Variants in RSU1 observed in about 807,000 individuals in gnomAD.
RSU1 encodes the protein Ras suppressor protein 1.
A neutral mutation model predicts 31.1 loss-of-function variants in RSU1; 26 were observed. The observed-to-expected ratio is 0.84, with a 90% CI of 0.61 to 1.16. The LOEUF is 1.16. Ranked by LOEUF, RSU1 falls within the 50% of genes most tolerant of loss-of-function variation. RSU1 has a pLI of 0.00. For missense variants in RSU1, 320 were observed against 339.1 expected (o/e 0.94, Z 0.44); for synonymous variants, 164 against 136.3 (o/e 1.20, Z -1.41).
intron 8 of RSU1, among the ~76,000 whole-genome samples, chr10:16,675,740 C>T (rs190601762): frequency 5.3e-5 from 8 of 152,284 alleles, no homozygotes; most frequent in East Asian, 1.9e-4. Flanking sequence ...AACATGAACG[C>T]GTGCTCCTTT....
chr10:16,817,127 C>G (rs374283872), intron 1 of RSU1, 43 bp from the exon 2 acceptor site: 1 of 1,425,256 alleles, frequency 7.0e-7, no homozygotes, highest in African/African-American at 1.4e-5. Context: ...TGACAGCAAG[C>G]GCAGAGGCGG....
chr10:16,660,313 G>A (rs980035787), intron 8 of RSU1, among the ~76,000 whole-genome samples: 1 of 152,156 alleles, frequency 6.6e-6, no homozygotes, highest in Admixed American at 6.5e-5. Flanking sequence ...GGGGGAATTG[G>A]CTTGAACATA....
At chr10:16,708,232 T>C (rs72774622) in intron 7 of RSU1, among the ~76,000 whole-genome samples, 8,266 of 152,268 alleles carry the variant, frequency 0.054, 375 homozygotes, top group African/African-American at 0.13. Context: ...ATTTTGTCTG[T>C]TACATACATT....
At chr10:16,769,858 C>T (rs976692154) in intron 3 of RSU1, among the ~76,000 whole-genome samples, 5 of 152,206 alleles carry the variant, frequency 3.3e-5, no homozygotes, top group Admixed American at 1.3e-4. Flanking sequence ...TAGCTTAACA[C>T]GTTCAACGTG....
chr10:16,685,324 G>A (rs1588714172), intron 8 of RSU1, among the ~76,000 whole-genome samples: 1 of 152,264 alleles, frequency 6.6e-6, no homozygotes, highest in East Asian at 1.9e-4. Flanking sequence ...CAGACCCTAA[G>A]AGAGAATTCT....
In RSU1 at chr10:16,761,691, C is replaced by A. The variant is rs111253219; in HGVS notation, c.281+2699G>T. 3.4e-3 allele frequency among the ~76,000 whole-genome samples: 517 copies of A among 152,142 alleles called. 5 individuals carry two copies. The highest frequency in any genetic ancestry group is 0.012 in the African/African-American group (503 of 41,516). Reference sequence around the variant, plus strand: ...CTAACACCGCAAAATCCCATCTCTACTAAAAATGTAAAAAATTAGCTGGGC... The same window carrying A: ...CTAACACCGCAAAATCCCATCTCTAATAAAAATGTAAAAAATTAGCTGGGC... On this transcript the variant is annotated intron_variant, in intron 4 of 8. Coordinates refer to ENST00000345264, the MANE Select transcript of RSU1 (RefSeq NM_012425.4).
In RSU1 at chr10:16,798,631, C is replaced by T. The variant is rs773311688; in HGVS notation, c.110-16547G>A. 8.5e-4 allele frequency among the ~76,000 whole-genome samples: 130 copies of T among 152,284 alleles called. 1 individual carries two copies. The highest frequency in any genetic ancestry group is 1.5e-3 in the Non-Finnish European group (99 of 68,036). On this transcript the variant is annotated intron_variant, in intron 2 of 8. Transcript: ENST00000345264. ...TATGCTGAATGGTGAGTCAATTAAA[C>T]CTCTTTCCTTCATAAATTACCCATC...
chr10:16,781,288 C>G (rs1837644003), intron 3 of RSU1, among the ~76,000 whole-genome samples: 1 of 152,116 alleles, frequency 6.6e-6, no homozygotes, highest in African/African-American at 2.4e-5. Context: ...ACAAGATAGT[C>G]ATATAAAAAT....
chr10:16,778,530 CTATT>C (rs1048881529), intron 3 of RSU1, among the ~76,000 whole-genome samples: 9 of 152,082 alleles, frequency 5.9e-5, no homozygotes, highest in African/African-American at 2.2e-4. Context: ...AGCTGACCAT[CTATT>C]TGGAGAGAGA....
chr10:16,723,096 T>C (rs1018202265), intron 7 of RSU1: 1 of 151,794 alleles, frequency 6.6e-6, no homozygotes, highest in African/African-American at 2.4e-5. Context: ...ACATATATCA[T>C]ACGATTTGCT....
intron 8 of RSU1, among the ~76,000 whole-genome samples, chr10:16,602,821 C>T (rs770794525): frequency 1.8e-4 from 28 of 152,072 alleles, no homozygotes; most frequent in Admixed American, 9.2e-4. Context: ...TGTAATCTTC[C>T]GGTAGGATGC....
At chr10:16,754,124 T>C (rs1418633392) in intron 5 of RSU1, among the ~76,000 whole-genome samples, 1 of 152,154 alleles carries the variant, frequency 6.6e-6, no homozygotes, top group Non-Finnish European at 1.5e-5. Flanking sequence ...AGAAAGGTAA[T>C]GTACGTAAGG....
chr10:16,626,132 T>C (rs909538845), intron 8 of RSU1, among the ~76,000 whole-genome samples: 1 of 151,616 alleles, frequency 6.6e-6, no homozygotes, highest in Non-Finnish European at 1.5e-5. Flanking sequence ...TGCAGCCTCA[T>C]CCTCCCAGGC....
intron 7 of RSU1, among the ~76,000 whole-genome samples, chr10:16,709,015 ATACTTT>A (rs1288692806): frequency 2.0e-5 from 3 of 148,782 alleles, no homozygotes; most frequent in African/African-American, 4.9e-5. Context: ...TTTTTTAATT[ATACTTT>A]AAGTTTTAGG....
At chr10:16,617,206 G>C (rs138512903) in intron 8 of RSU1, among the ~76,000 whole-genome samples, 54 of 152,318 alleles carry the variant, frequency 3.5e-4, no homozygotes, top group African/African-American at 1.3e-3. Context: ...TAAGCAGAGA[G>C]TGAAATCATG....
chr10:16,793,335 G>T (rs1447268650), intron 2 of RSU1, among the ~76,000 whole-genome samples: 2 of 151,736 alleles, frequency 1.3e-5, no homozygotes, highest in Non-Finnish European at 2.9e-5. Context: ...CTCAATCAAT[G>T]ACAAAACAAT....
chr10:16,720,584 G>A (rs779075864), intron 7 of RSU1, among the ~76,000 whole-genome samples: 10 of 152,232 alleles, frequency 6.6e-5, no homozygotes, highest in East Asian at 1.9e-4. Context: ...TTTCTCATGC[G>A]CTAGAGTTTC....
intron 8 of RSU1, among the ~76,000 whole-genome samples, chr10:16,601,390 T>C (rs1174652062): frequency 1.3e-5 from 2 of 152,236 alleles, no homozygotes; most frequent in Admixed American, 6.5e-5. Flanking sequence ...TAAAGTTGTA[T>C]ATGTATATTT....
At chr10:16,691,395 T>A (rs1439437117) in intron 8 of RSU1, among the ~76,000 whole-genome samples, 1 of 151,586 alleles carries the variant, frequency 6.6e-6, no homozygotes. Flanking sequence ...TTTTTTTTTT[T>A]AATGATTAAG....
Sources: gnomAD v4.1 joint callset for allele counts (sites outside exome capture counted in the v4.1 genomes callset) on GRCh38, gnomAD v4.1.1 for gene constraint, MANE v1.5 for transcripts, NCBI Gene and HGNC (gene_info 2026-07-23, HGNC 2026-07-21) for gene names.